The following SGCD variants were observed in gnomAD, a reference collection of about 807,000 sequenced individuals.
SGCD encodes the protein sarcoglycan delta, also known as delta-sarcoglycan.
Under a neutral mutation model 36.6 loss-of-function variants are expected in SGCD, and 18 were observed. The ratio of observed to expected loss-of-function variants is 0.49; its 90% CI spans 0.34 to 0.73. SGCD has a LOEUF of 0.73. SGCD is among the 30% of genes least tolerant of loss of function. The pLI is 0.01. For missense variants in SGCD, 387 were observed against 346.7 expected, an observed-to-expected ratio of 1.12 and a Z score of -0.92; for synonymous variants, 133 against 130.6, an observed-to-expected ratio of 1.02 and a Z score of -0.12.
intron 1 of SGCD, among the ~76,000 whole-genome samples, chr5:156,047,637 T>TA (rs1020529052): frequency 2.6e-5 from 4 of 152,132 alleles, no homozygotes; most frequent in Non-Finnish European, 5.9e-5. Flanking sequence ...TGCTAAGACT[T>TA]ACAGCTTGGG....
At chr5:156,002,189 C>T (rs994458209) in intron 1 of SGCD, among the ~76,000 whole-genome samples, 1 of 152,026 alleles carries the variant, frequency 6.6e-6, no homozygotes, top group African/African-American at 2.4e-5. Flanking sequence ...AGCCCTAATC[C>T]AGTATGACTG....
At chr5:155,900,892 C>T (rs748506515) in intron 1 of SGCD, among the ~76,000 whole-genome samples, 5 of 151,980 alleles carry the variant, frequency 3.3e-5, no homozygotes, top group Non-Finnish European at 7.4e-5. Context: ...TATGTGCACA[C>T]TCATGTTACT....
intron 6 of SGCD, among the ~76,000 whole-genome samples, chr5:156,623,245 T>G (rs886356213): frequency 6.6e-6 from 1 of 152,134 alleles, no homozygotes; most frequent in Non-Finnish European, 1.5e-5. Flanking sequence ...GCGTTCGGAC[T>G]TTTAAGGCAA....
At chr5:156,445,815 C>A (rs1753733181) in intron 3 of SGCD, among the ~76,000 whole-genome samples, 1 of 152,124 alleles carries the variant, frequency 6.6e-6, no homozygotes, top group African/African-American at 2.4e-5. Context: ...CACACACGCA[C>A]ATGCACACAC....
intron 3 of SGCD, among the ~76,000 whole-genome samples, chr5:156,380,148 A>T (rs1770899715): frequency 6.6e-6 from 1 of 152,062 alleles, no homozygotes; most frequent in Non-Finnish European, 1.5e-5. Flanking sequence ...GGTTGAAATG[A>T]TCATTGCAAA....
intron 4 of SGCD, among the ~76,000 whole-genome samples, chr5:156,589,023 T>TGTGTGTGC (rs914922294): frequency 4.0e-5 from 6 of 151,404 alleles, no homozygotes; most frequent in African/African-American, 1.5e-4. Flanking sequence ...TGTGTGTGTG[T>TGTGTGTGC]GCATTTCTTT....
intron 3 of SGCD, among the ~76,000 whole-genome samples, chr5:156,348,659 T>A (rs1029541633): frequency 3.3e-5 from 5 of 152,304 alleles, no homozygotes; most frequent in Admixed American, 2.0e-4. Flanking sequence ...CTCATTATCA[T>A]GAAAATGACC....
intron 4 of SGCD, among the ~76,000 whole-genome samples, chr5:156,513,733 A>G (rs1258336649): frequency 6.6e-6 from 1 of 152,228 alleles, no homozygotes; most frequent in African/African-American, 2.4e-5. Flanking sequence ...GTCACTACAA[A>G]TTGATTAGTG....
At chr5:156,679,013 G>A (rs1327632354) in intron 7 of SGCD, among the ~76,000 whole-genome samples, 1 of 152,166 alleles carries the variant, frequency 6.6e-6, no homozygotes, top group Non-Finnish European at 1.5e-5. Flanking sequence ...GTGAATATGG[G>A]AGGGAGCAGC....
chr5:156,518,978 C>G (rs1251354842), intron 4 of SGCD, among the ~76,000 whole-genome samples: 1 of 151,696 alleles, frequency 6.6e-6, no homozygotes, highest in Non-Finnish European at 1.5e-5. Context: ...CCTAAGCTAG[C>G]AGACAAGAAG....
chr5:156,558,822 C>T (rs892665872), intron 4 of SGCD, among the ~76,000 whole-genome samples: 5 of 152,134 alleles, frequency 3.3e-5, no homozygotes, highest in Admixed American at 3.3e-4. Context: ...AGATCCCCAA[C>T]GAATGTGAAA....
intron 3 of SGCD, among the ~76,000 whole-genome samples, chr5:156,353,184 A>G (rs1769338744): frequency 6.6e-6 from 1 of 152,224 alleles, no homozygotes; most frequent in African/African-American, 2.4e-5. Context: ...GGGAGTGAGG[A>G]TACATATAAA....
chr5:156,546,934 C>T (rs1048982268), intron 4 of SGCD, among the ~76,000 whole-genome samples: 1 of 152,144 alleles, frequency 6.6e-6, no homozygotes, highest in African/African-American at 2.4e-5. Flanking sequence ...TATAGTAAGG[C>T]ATTGTCAGGA....
At chr5:156,245,185 G>A (rs527238085) in intron 3 of SGCD, among the ~76,000 whole-genome samples, 17 of 151,994 alleles carry the variant, frequency 1.1e-4, no homozygotes, top group African/African-American at 2.4e-4. Context: ...TTTATTTTAC[G>A]GTGCTTCCTC....
chr5:156,280,553 G>T (rs573716638), intron 3 of SGCD, among the ~76,000 whole-genome samples: 7 of 152,294 alleles, frequency 4.6e-5, no homozygotes, highest in African/African-American at 1.7e-4. Flanking sequence ...CCAGATTTTA[G>T]GAAATATTTC....
intron 4 of SGCD, among the ~76,000 whole-genome samples, chr5:156,573,353 G>A (rs527691516): frequency 2.6e-5 from 4 of 152,260 alleles, no homozygotes; most frequent in African/African-American, 9.6e-5. Context: ...TTTGCCTCCG[G>A]TCATGAAATA....
intron 3 of SGCD, among the ~76,000 whole-genome samples, chr5:156,376,975 A>T (rs1034657126): frequency 1.1e-4 from 16 of 151,754 alleles, no homozygotes; most frequent in Admixed American, 8.5e-4. Context: ...AATCATCAAT[A>T]AAAAAAATGA....
chr5:156,681,538 A>G (rs1308523695), intron 7 of SGCD, among the ~76,000 whole-genome samples: 2 of 152,182 alleles, frequency 1.3e-5, no homozygotes, highest in Admixed American at 1.3e-4. Flanking sequence ...CTGCGGTTCC[A>G]GGCTTAAGGG....
intron 2 of SGCD, among the ~76,000 whole-genome samples, chr5:156,335,246 G>A (rs552898107): frequency 6.6e-5 from 10 of 152,282 alleles, no homozygotes; most frequent in Admixed American, 2.6e-4. Flanking sequence ...CATCAATGCT[G>A]AAATATCTTC....
Sources: gnomAD v4.1 joint callset for allele counts (sites outside exome capture counted in the v4.1 genomes callset) on GRCh38, gnomAD v4.1.1 for gene constraint, MANE v1.5 for transcripts, NCBI Gene and HGNC (gene_info 2026-07-23, HGNC 2026-07-21) for gene names.